BPTF: variants seen among roughly 807,000 people sequenced by gnomAD.
BPTF encodes the protein bromodomain PHD finger transcription factor, also known as nucleosome-remodeling factor subunit BPTF.
BPTF carries 18 observed loss-of-function variants against 292.5 expected under a neutral mutation model. The ratio of observed to expected loss-of-function variants is 0.06; its 90% CI spans 0.04 to 0.09. BPTF has a LOEUF of 0.09. BPTF is among the 10% of genes least tolerant of loss of function. The pLI is 1.00. For missense variants in BPTF, 2,726 were observed against 3,498.7 expected, an observed-to-expected ratio of 0.78 and a Z score of 5.57; for synonymous variants, 1,225 against 1,251.9, an observed-to-expected ratio of 0.98 and a Z score of 0.45.
chr17:67,937,350 G>A (rs1054097444), intron 18 of BPTF, among the ~76,000 whole-genome samples: 2 of 151,134 alleles, frequency 1.3e-5, no homozygotes, highest in Admixed American at 6.6e-5. Context: ...CCAGCTACTC[G>A]GGAGGCTGAG....
At chr17:67,841,643 C>T (rs187578732) in intron 1 of BPTF, among the ~76,000 whole-genome samples, 15 of 152,126 alleles carry the variant, frequency 9.9e-5, no homozygotes, top group Admixed American at 2.6e-4. Context: ...CTCAAGCAGT[C>T]CACCCACCTC....
chr17:67,868,086 TTATAA>T (rs2059493622), intron 3 of BPTF, among the ~76,000 whole-genome samples: 1 of 152,200 alleles, frequency 6.6e-6, no homozygotes, highest in South Asian at 2.1e-4. Flanking sequence ...ACTTACTGGG[TTATAA>T]TATAATTGGA....
At chr17:67,847,560 C>A (rs2058114210) in intron 1 of BPTF, among the ~76,000 whole-genome samples, 1 of 150,010 alleles carries the variant, frequency 6.7e-6, no homozygotes. Flanking sequence ...ACCTGTAATC[C>A]CAGTTGTTTG....
intron 11 of BPTF, among the ~76,000 whole-genome samples, chr17:67,915,000 G>T (rs1336439656): frequency 6.6e-6 from 1 of 152,108 alleles, no homozygotes; most frequent in Non-Finnish European, 1.5e-5. Context: ...CATGACTTTA[G>T]AATGCATTTT....
intron 4 of BPTF, chr17:67,875,738 G>A (rs922070620): frequency 6.3e-7 from 1 of 1,591,164 alleles, no homozygotes; most frequent in Non-Finnish European, 8.6e-7. Context: ...CCCCCAGGAT[G>A]TGCCAGGTAC....
At chr17:67,845,330 A>G (rs115196631) in intron 1 of BPTF, among the ~76,000 whole-genome samples, 274 of 152,316 alleles carry the variant, frequency 1.8e-3, no homozygotes, top group African/African-American at 6.4e-3. Context: ...TCTTGCTTGA[A>G]TCAGTTACAC....
In BPTF at chr17:67,945,821, C is replaced by T; in HGVS notation, c.7113C>T (p.Thr2371=). ...PGQQSQVQTT[T]SQPIPIQPHT... is the part of the protein sequence containing the mutation. ...AACAATCCCAGGTTCAGACTACAAC[C>T]TCACAACCGATTCCAATTCAACCAC... The change falls in exon 21 of 28, where the codon ACC becomes ACT. Residue 2371 remains threonine, a synonymous_variant. Coordinates refer to ENST00000306378, the MANE Select transcript of BPTF (RefSeq NM_182641.4). 2 of 1,614,198 alleles carry T rather than the reference C, an allele frequency of 1.2e-6. No individual in the cohort carries two copies. Among genetic ancestry groups the T allele is most frequent in the Non-Finnish European group, 1.7e-6 (2 of 1,180,030 alleles).
chr17:67,919,215 T>A (rs539194121), intron 12 of BPTF, among the ~76,000 whole-genome samples: 9 of 122,832 alleles, frequency 7.3e-5, no homozygotes, highest in African/African-American at 2.6e-4. Flanking sequence ...ATAATAATAA[T>A]AATAAAATAT....
At chr17:67,886,268 A>G in intron 4 of BPTF, 1 of 1,614,094 alleles carries the variant, frequency 6.2e-7, no homozygotes, top group East Asian at 2.2e-5. Flanking sequence ...TGATCCTGAA[A>G]ATGGAGAAAG....
intron 3 of BPTF, 131 bp from the exon 4 acceptor site, chr17:67,874,686 G>GTA (rs1484253635): frequency 1.6e-6 from 1 of 619,240 alleles, no homozygotes; most frequent in Non-Finnish European, 2.8e-6. Context: ...TATTTCATAG[G>GTA]TCTAATGCTT....
intron 1 of BPTF, among the ~76,000 whole-genome samples, chr17:67,830,421 CAAGCAGAATTT>C (rs1242614495): frequency 6.6e-6 from 1 of 152,214 alleles, no homozygotes; most frequent in Non-Finnish European, 1.5e-5. Flanking sequence ...GATTCAAATT[CAAGCAGAATTT>C]GTCACTGGTT....
intron 14 of BPTF, among the ~76,000 whole-genome samples, chr17:67,923,894 C>T (rs1475485409): frequency 2.0e-5 from 3 of 152,242 alleles, no homozygotes; most frequent in East Asian, 1.9e-4. Flanking sequence ...GTCCCCCAGG[C>T]TGGAGTGCAG....
intron 1 of BPTF, among the ~76,000 whole-genome samples, chr17:67,841,662 A>C (rs1225642065): frequency 6.6e-6 from 1 of 152,052 alleles, no homozygotes; most frequent in East Asian, 1.9e-4. Context: ...TCACCCTCCC[A>C]AAATGCTGAG....
intron 12 of BPTF, 97 bp downstream of exon 12, chr17:67,918,935 G>A (rs572459085): frequency 7.7e-7 from 1 of 1,300,940 alleles, no homozygotes; most frequent in South Asian, 1.3e-5. Context: ...CACTTTGGGA[G>A]GCTGAGGCAG....
chr17:67,930,204 A>G (rs1220912874), intron 17 of BPTF, among the ~76,000 whole-genome samples: 1 of 151,728 alleles, frequency 6.6e-6, no homozygotes, highest in Non-Finnish European at 1.5e-5. Context: ...TAGATACATC[A>G]TTTCTTTTTT....
At chr17:67,948,336 C>G in intron 23 of BPTF, 30 bp downstream of exon 23, 1 of 1,568,106 alleles carries the variant, frequency 6.4e-7, no homozygotes, top group African/African-American at 1.4e-5. Flanking sequence ...TCTTCTGTGT[C>G]CAGTGTTTAA....
At chr17:67,840,535 C>T (rs1404097024) in intron 1 of BPTF, among the ~76,000 whole-genome samples, 1 of 150,988 alleles carries the variant, frequency 6.6e-6, no homozygotes, top group African/African-American at 2.4e-5. Context: ...TTTTCCTCCT[C>T]TCCTTCTCCT....
chr17:67,952,167 G>A (rs1425085895), intron 23 of BPTF, among the ~76,000 whole-genome samples: 1 of 150,508 alleles, frequency 6.6e-6, no homozygotes, highest in African/African-American at 2.4e-5. Flanking sequence ...ATATGTATAT[G>A]TACTGGCATA....
intron 7 of BPTF, among the ~76,000 whole-genome samples, chr17:67,900,031 A>G (rs2061716715): frequency 6.6e-6 from 1 of 152,166 alleles, no homozygotes; most frequent in Non-Finnish European, 1.5e-5. Flanking sequence ...GAAAATTTTA[A>G]TGAAGCAGAA....
Sources: gnomAD v4.1 joint callset for allele counts (sites outside exome capture counted in the v4.1 genomes callset) on GRCh38, gnomAD v4.1.1 for gene constraint, MANE v1.5 for transcripts, NCBI Gene and HGNC (gene_info 2026-07-23, HGNC 2026-07-21) for gene names.